WDR86: variants seen among roughly 807,000 people sequenced by gnomAD.
WDR86 encodes WD repeat-containing protein 86.
WDR86 carries 30 observed loss-of-function variants against 36.5 expected under a neutral mutation model. That is an observed-to-expected ratio of 0.82 (90% confidence interval 0.61 to 1.11). WDR86 has a LOEUF of 1.11. Ranked by LOEUF, WDR86 falls within the 50% of genes most tolerant of loss-of-function variation. WDR86 has a pLI of 0.00. For synonymous variants in WDR86, 255 were observed against 252.9 expected, an observed-to-expected ratio of 1.01 and a Z score of -0.08; for missense variants, 545 against 561.2, an observed-to-expected ratio of 0.97 and a Z score of 0.29.
chr7:151,373,602 G>A (rs559079657), downstream of WDR86, among the ~76,000 whole-genome samples: 17 of 152,342 alleles, frequency 1.1e-4, no homozygotes, highest in East Asian at 2.9e-3. Context: ...TGTGGGGGGC[G>A]GGTCACCAGC....
intron 1 of WDR86, among the ~76,000 whole-genome samples, chr7:151,408,194 CTTTTCTTTTTT>C (rs964614826): frequency 8.0e-6 from 1 of 124,672 alleles, no homozygotes; most frequent in Non-Finnish European, 1.7e-5. Context: ...TTTTTCTTTT[CTTTTCTTTTTT>C]TTTTTTTTTT....
At chr7:151,395,725 G>A in intron 3 of WDR86, 51 bp downstream of exon 3, 1 of 1,503,868 alleles carries the variant, frequency 6.6e-7, no homozygotes, top group African/African-American at 1.4e-5. Flanking sequence ...GGCAGTGCAG[G>A]GGGTGACCTG....
In WDR86 at chr7:151,401,155, A is replaced by G. The variant is rs1800260051; in HGVS notation, c.164-914T>C. Among the ~76,000 whole-genome samples the G allele has an allele frequency of 6.6e-6, 1 of 152,290 alleles. No individual in the cohort carries two copies. The highest frequency in any genetic ancestry group is 2.1e-4 in the South Asian group (1 of 4,824). On this transcript the variant is annotated intron_variant, in intron 1 of 5. Coordinates refer to ENST00000334493, the MANE Select transcript of WDR86 (RefSeq NM_198285.3). The surrounding 1 kb of genome is among the most constrained non-coding windows in gnomAD (Gnocchi z 4.3). ...CCGGTCTTTGCTCTCTCATCCTCAC[A>G]GGCAGCCTACCCTGACTCCCCTCTT...
At chr7:151,389,118 C>CTTTTTTTTTTTTTTT (rs34882878) in intron 3 of WDR86, among the ~76,000 whole-genome samples, 1 of 125,576 alleles carries the variant, frequency 8.0e-6, no homozygotes, top group Non-Finnish European at 1.7e-5. Context: ...CTTTTCTTTC[C>CTTTTTTTTTTTTTTT]TTTTTTTTTT....
intron 1 of WDR86, among the ~76,000 whole-genome samples, chr7:151,404,991 C>T (rs558310861): frequency 4.6e-5 from 7 of 152,336 alleles, no homozygotes; most frequent in African/African-American, 1.4e-4. Flanking sequence ...CCCTGGAAGC[C>T]ACACGGGGCA....
chr7:151,388,401 T>C lies in WDR86; in HGVS notation c.727-3178A>G, dbSNP rs1727635740. On this transcript the variant is annotated intron_variant, in intron 3 of 5. Transcript: ENST00000334493. The surrounding 1 kb of genome is among the most constrained non-coding windows in gnomAD (Gnocchi z 4.2). ...TCTCCTCCTTCACAAGGACCCCAGG[T>C]CAAGCCCAGAACCTGGGCGACCCCT... 6.6e-6 allele frequency among the ~76,000 whole-genome samples: 1 copy of C among 152,124 alleles called. No homozygotes were observed. Among genetic ancestry groups the C allele is most frequent in the Admixed American group, 6.5e-5 (1 of 15,276 alleles).
intron 3 of WDR86, among the ~76,000 whole-genome samples, chr7:151,392,713 G>A (rs1355203993): frequency 6.6e-6 from 1 of 152,182 alleles, no homozygotes; most frequent in Admixed American, 6.5e-5. Flanking sequence ...CACAGGCTGT[G>A]CACCCTGCAC....
At chr7:151,395,649 C>T (rs1213265437) in intron 3 of WDR86, 127 bp downstream of exon 3, 30 of 1,197,150 alleles carry the variant, frequency 2.5e-5, no homozygotes, top group Middle Eastern at 2.9e-4. Context: ...GCCTCCGTGG[C>T]GCTTGCCAGG....
chr7:151,396,269 C>A, intron 2 of WDR86, 73 bp from the exon 3 acceptor site: 1 of 1,539,396 alleles, frequency 6.5e-7, no homozygotes. Flanking sequence ...CCCGACATGC[C>A]ATGCTCGGCA....
chr7:151,385,538 G>A (rs1034737188), intron 3 of WDR86, among the ~76,000 whole-genome samples: 9 of 152,200 alleles, frequency 5.9e-5, no homozygotes, highest in Non-Finnish European at 8.8e-5. Context: ...CCCCTTCCTC[G>A]AGGGTGTGTG....
chr7:151,386,296 G>C (rs1470960888), intron 3 of WDR86, among the ~76,000 whole-genome samples: 1 of 152,214 alleles, frequency 6.6e-6, no homozygotes, highest in Non-Finnish European at 1.5e-5. Flanking sequence ...AAATCCCAGA[G>C]GACAGAGCTT....
At chr7:151,384,980 A>T in intron 4 of WDR86, 108 bp downstream of exon 4, 1 of 1,244,430 alleles carries the variant, frequency 8.0e-7, no homozygotes, top group Non-Finnish European at 1.1e-6. Flanking sequence ...TTGGACGCTG[A>T]TGATTGGCAG....
At chr7:151,393,671 A>T (rs1385174606) in intron 3 of WDR86, among the ~76,000 whole-genome samples, 1 of 152,096 alleles carries the variant, frequency 6.6e-6, no homozygotes, top group African/African-American at 2.4e-5. Context: ...TGGCAAGCTC[A>T]GAGCACAGAC....
downstream of WDR86, chr7:151,378,107 C>T (rs549261670): frequency 6.6e-6 from 1 of 152,316 alleles, no homozygotes; most frequent in East Asian, 1.9e-4. Flanking sequence ...GACAGAGGCT[C>T]TTTCTAAAAG....
chr7:151,374,492 C>T (rs1375865575), downstream of WDR86: 2 of 589,254 alleles, frequency 3.4e-6, no homozygotes, highest in Non-Finnish European at 6.1e-6. Flanking sequence ...CAGCACAGTC[C>T]ACAGGCCAGG....
At chr7:151,378,257 A>G, downstream of WDR86, 1 of 152,400 alleles carries the variant, frequency 6.6e-6, no homozygotes, top group Non-Finnish European at 1.5e-5. Flanking sequence ...ATTGAGTGCC[A>G]GGTGCATCCA....
the WDR86 span, among the ~76,000 whole-genome samples, chr7:151,369,793 A>G: frequency 2.7e-4 from 41 of 152,342 alleles, no homozygotes; most frequent in Non-Finnish European, 5.0e-4. Context: ...AGTCTCTAGA[A>G]TCTTCACATG....
intron 4 of WDR86, 133 bp from the exon 5 acceptor site, chr7:151,382,114 A>G: frequency 1.4e-6 from 1 of 728,148 alleles, no homozygotes; most frequent in Non-Finnish European, 2.3e-6. Context: ...CTCATATGGG[A>G]AGTGGACAGT....
At chr7:151,383,071 G>T (rs1180497629) in intron 4 of WDR86, among the ~76,000 whole-genome samples, 1 of 147,636 alleles carries the variant, frequency 6.8e-6, no homozygotes, top group Middle Eastern at 3.6e-3. Context: ...TGTTAACCTT[G>T]AACTCCTGGG....
Sources: allele counts gnomAD v4.1 joint callset (sites outside exome capture counted in the v4.1 genomes callset), GRCh38; gene constraint gnomAD v4.1.1; non-coding constraint Gnocchi (gnomAD v3.1); transcripts MANE v1.5; gene names NCBI Gene and HGNC (gene_info 2026-07-23, HGNC 2026-07-21).